The following KMT2D variants were observed in gnomAD, a reference collection of about 807,000 sequenced individuals.
KMT2D encodes the protein histone-lysine N-methyltransferase 2D.
A neutral mutation model predicts 512.7 loss-of-function variants in KMT2D; 55 were observed. The observed-to-expected ratio is 0.11, with a 90% confidence interval of 0.09 to 0.13. KMT2D has a LOEUF of 0.13. Among genes scored for constraint, KMT2D ranks in the 10% least tolerant of loss-of-function variants. The pLI, the probability that KMT2D is intolerant of heterozygous loss-of-function variation, is 1.00. For missense variants in KMT2D, 6,061 were observed against 7,127.9 expected (o/e 0.85, Z 5.39); for synonymous variants, 2,995 against 2,904.0 (o/e 1.03, Z -1.01).
rs773320492 is a variant in KMT2D, at chr12:49,049,888, C to T, written c.3700G>A (p.Gly1234Arg). The stretch of plus-strand genomic sequence containing the variant: ...AACTCCATGGACAGGGAGCCACCCC[C>T]CTCCGGGTCTGGAGAGCCCAGGAGG... ...EPLLGSPDPE[G>R]GGSLSMELGV... Residue 1234 changes from glycine (G) to arginine (R), a missense_variant, in exon 12 of 55, where the codon GGG (glycine) becomes AGG (arginine). This residue lies in a region of KMT2D where 447 missense variants were observed against 500.1 expected (regional missense o/e 0.89). Transcript: ENST00000301067. 2.5e-6 allele frequency: 4 copies of T among 1,613,932 alleles called. No individual in the cohort carries two copies. The highest frequency in any genetic ancestry group is 4.5e-5 in the East Asian group (2 of 44,878).
intron 48 of KMT2D, 87 bp downstream of exon 48, chr12:49,027,716 A>C (rs1942673648): frequency 6.7e-7 from 1 of 1,492,654 alleles, no homozygotes; most frequent in Non-Finnish European, 9.1e-7. Context: ...TGCCTCCCAA[A>C]GCACTGGGAT....
In KMT2D at chr12:49,055,282, G is replaced by A. The variant is rs1002765819; in HGVS notation, c.43C>T (p.Pro15Ser). The A allele has an allele frequency of 1.2e-6, 2 of 1,613,998 alleles. No individual in the cohort carries two copies. Among genetic ancestry groups the A allele is most frequent in the African/African-American group, 2.7e-5 (2 of 75,056 alleles). Residue 15 changes from proline to serine, a missense_variant, in exon 2 of 55, where the codon CCG becomes TCG. This residue lies in a region of KMT2D where 144 missense variants were observed against 165.7 expected (regional missense o/e 0.87). Transcript: ENST00000301067. Reference protein sequence around the residue: ...KLAGEDKDSEPAADGPAASED... With the variant: ...KLAGEDKDSESAADGPAASED... Reference sequence around the variant, plus strand: ...AACAATTTGTCCTACTCACCTGCCGGTTCTGAATCTTTATCCTCACCAGCC... The same window carrying A: ...AACAATTTGTCCTACTCACCTGCCGATTCTGAATCTTTATCCTCACCAGCC...
rs749057571 is a variant in KMT2D, at chr12:49,022,355, TAGAA to T, written c.16339-6_16339-3del. ...TCGGAACATGTAGATGCCTCGATTC[TAGAA>T]AGGCAGAGGTTGCAGAAGAAGGGAC... is the stretch of plus-strand genomic sequence containing the variant. On this transcript the variant is annotated splice_region_variant and splice_polypyrimidine_tract_variant and intron_variant, in intron 52 of 54. Coordinates refer to ENST00000301067, the MANE Select transcript of KMT2D (RefSeq NM_003482.4). This position sits in a 1 kb window ranked among gnomAD's most constrained non-coding sequence, Gnocchi z 8.6. 8 of 1,602,480 alleles carry T rather than the reference TAGAA, an allele frequency of 5.0e-6. No individual in the cohort carries two copies. The highest frequency in any genetic ancestry group is 6.0e-6 in the Non-Finnish European group (7 of 1,173,616).
At position 49,027,148 on chromosome 12, in the gene KMT2D, G is replaced by T; in HGVS notation, c.14818C>A (p.Pro4940Thr). 1 of 1,570,790 alleles carries T rather than the reference G, an allele frequency of 6.4e-7. No homozygotes were observed. The highest frequency in any genetic ancestry group is 8.7e-7 in the Non-Finnish European group (1 of 1,155,928). Reference sequence around the variant, plus strand: ...GAGGGGACGGGTGGCTCAGCCAAGGGTTCGGTGGGAAGTTCAACCAAGGGC... The same window carrying T: ...GAGGGGACGGGTGGCTCAGCCAAGGTTTCGGTGGGAAGTTCAACCAAGGGC... Reference protein sequence around the residue: ...TEPLVELPTEPLAEPPVPSPL... With the variant: ...TEPLVELPTETLAEPPVPSPL... Residue 4940 changes from proline (P) to threonine (T), a missense_variant, in exon 49 of 55, where the codon CCC becomes ACC. Around this residue, in one of 16 missense-constraint regions of KMT2D, gnomAD observed 1,600 missense variants for 1,754.9 expected, o/e 0.91. Coordinates refer to ENST00000301067, the MANE Select transcript of KMT2D (RefSeq NM_003482.4).
chr12:49,034,901 A>C lies in KMT2D; in HGVS notation c.10266T>G (p.Asp3422Glu). 1 of 1,614,002 alleles carries C rather than the reference A, an allele frequency of 6.2e-7. No individual in the cohort carries two copies. Among genetic ancestry groups the C allele is most frequent in the Non-Finnish European group, 8.5e-7 (1 of 1,179,894 alleles). The change falls in exon 36 of 55, where the codon GAT becomes GAG. Residue 3422 changes from aspartate (D) to glutamate (E), a missense_variant. Transcript: ENST00000301067. ...CCACCATCTTGGCCTTTGCAATGGG[A>C]TCAATGATATCTTCTGCAGCAAATT... ...LDKFAAEDII[D>E]PIAKAKMVAL...
Position 49,041,997 on chromosome 12 carries a change from G to A in KMT2D, c.6110-7C>T, listed in dbSNP as rs769408108. The A allele has an allele frequency of 1.9e-6, 3 of 1,612,418 alleles. No individual in the cohort carries two copies. Among genetic ancestry groups the A allele is most frequent in the Non-Finnish European group, 2.5e-6 (3 of 1,179,288 alleles). ...TTGCAACGGCTTGACCAGTCTGGAG[G>A]GCAGAGAGAGTGAGTCAGAGAAGAC... On this transcript the variant is annotated splice_polypyrimidine_tract_variant and splice_region_variant and intron_variant, in intron 29 of 54. Coordinates refer to ENST00000301067, the MANE Select transcript of KMT2D (RefSeq NM_003482.4). The surrounding 1 kb of genome is among the most constrained non-coding windows in gnomAD (Gnocchi z 5.4).
rs569422688 is a variant in KMT2D, at chr12:49,036,346, C to G, written c.10231+779G>C. On this transcript the variant is annotated intron_variant, in intron 35 of 54. Transcript: ENST00000301067. ...TTTTTTTTTAAGACAGAGTCTCGCT[C>G]TGTTGCCCAGCCTGAAGTGCAATGG... Among the ~76,000 whole-genome samples the G allele has an allele frequency of 3.0e-3, 458 of 150,458 alleles. 1 individual carries two copies. Among genetic ancestry groups the G allele is most frequent in the Non-Finnish European group, 5.7e-3 (385 of 67,752 alleles).
Position 49,037,959 on chromosome 12 carries a change from G to C in KMT2D, c.9397C>G (p.Gln3133Glu), listed in dbSNP as rs1015700954. ...EEGGRHPSPC[Q>E]FTIATPKVEP... ...ACCTTGGGGGTAGCAATGGTGAATT[G>C]GCAAGGAGAAGGGTGGCGTCCACCC... The change falls in exon 35 of 55, where the codon CAA becomes GAA. Residue 3133 changes from glutamine (Q) to glutamate (E), a missense_variant. Physicochemically the swap from Gln to Glu is conservative, Grantham distance 29. This residue lies in a region of KMT2D where 533 missense variants were observed against 539.6 expected (regional missense o/e 0.99). Transcript: ENST00000301067. 2 of 1,603,448 alleles carry C rather than the reference G, an allele frequency of 1.2e-6. No homozygotes were observed. The highest frequency in any genetic ancestry group is 1.7e-6 in the Non-Finnish European group (2 of 1,175,288).
In KMT2D at chr12:49,051,620, C is replaced by T. The variant is rs368472158; in HGVS notation, c.2063G>A (p.Arg688His). 6.5e-6 allele frequency: 10 copies of T among 1,548,798 alleles called. No individual in the cohort carries two copies. Among genetic ancestry groups the T allele is most frequent in the African/African-American group, 2.9e-5 (2 of 68,498 alleles). The change falls in exon 11 of 55, where the codon CGC (arginine) becomes CAC (histidine). Residue 688 changes from arginine (R) to histidine (H), a missense_variant. By Grantham distance (29) the Arg-to-His change is conservative (BLOSUM62 0). This residue lies in a region of KMT2D where 848 missense variants were observed against 838.5 expected (regional missense o/e 1.01). Coordinates refer to ENST00000301067, the MANE Select transcript of KMT2D (RefSeq NM_003482.4). ...GGAGTCCTCAGGTGGTGGGGAGAGG[C>T]GTGAAGCCTCAGGTGGAGGGGACGT... ...SPTSPPPEAS[R>H]LSPPPEDSPT...
In KMT2D at chr12:49,037,481, G is replaced by A. The variant is rs2120479748; in HGVS notation, c.9875C>T (p.Ala3292Val). ...CTCATGTGGCAAAGACATGGCCTGGGCAGGGCCTGGTGCAGACAGTAGGGA... is the reference window on the plus strand; with the variant it reads ...CTCATGTGGCAAAGACATGGCCTGGACAGGGCCTGGTGCAGACAGTAGGGA... ...QHSLLSAPGP[A>V]QAMSLPHEGS... The change falls in exon 35 of 55, where the codon GCC becomes GTC. Residue 3292 changes from alanine to valine, a missense_variant. Physicochemically the swap from Ala to Val is moderately conservative, Grantham distance 64. Transcript: ENST00000301067. The A allele has an allele frequency of 6.4e-7, 1 of 1,561,708 alleles. No homozygotes were observed.
Position 49,043,992 on chromosome 12 carries a change from G to A in KMT2D, c.5195C>T (p.Pro1732Leu), listed in dbSNP as rs2120576972. Residue 1732 changes from proline to leucine, a missense_variant, in exon 23 of 55, where the codon CCT becomes CTT. Around this residue, in one of 16 missense-constraint regions of KMT2D, gnomAD observed 640 missense variants for 814.3 expected, o/e 0.79. Coordinates refer to ENST00000301067, the MANE Select transcript of KMT2D (RefSeq NM_003482.4). ...SGDGQPDEVI[P>L]ADLPAEGAVE... ...GGCGCCCTCTGCAGGCAGGTCAGCA[G>A]GTATCACTGTGGACAGAACGGAAGT... is the stretch of plus-strand genomic sequence containing the variant. 5.0e-6 allele frequency: 8 copies of A among 1,614,042 alleles called. No homozygotes were observed. The highest frequency in any genetic ancestry group is 6.8e-6 in the Non-Finnish European group (8 of 1,179,896).
At chr12:49,057,327 C>G (rs987123682) in intron 1 of KMT2D, among the ~76,000 whole-genome samples, 1 of 152,200 alleles carries the variant, frequency 6.6e-6, no homozygotes, top group African/African-American at 2.4e-5. Context: ...AAAAGAGTCA[C>G]AAACATCAAG....
chr12:49,025,049 C>A, intron 49 of KMT2D, 103 bp from the exon 50 acceptor site: 2 of 1,317,254 alleles, frequency 1.5e-6, no homozygotes, highest in Non-Finnish European at 2.1e-6. Flanking sequence ...GCCTTCAAGC[C>A]TCCCTATCAT....
rs2120485580 is a variant in KMT2D at position 49,037,782 on chromosome 12, G to T, written c.9574C>A (p.Pro3192Thr). ...KASFGATGGPPAHLLTPSPLS... is the reference protein window; with the variant it reads ...KASFGATGGPTAHLLTPSPLS... ...GGGCTGGGGGTCAGCAGGTGAGCTG[G>T]TGGTCCTCCCGTGGCCCCAAAGGAG... The change falls in exon 35 of 55, where the codon CCA becomes ACA. Residue 3192 changes from proline (P) to threonine (T), a missense_variant. Physicochemically the swap from Pro to Thr is conservative, Grantham distance 38. Transcript: ENST00000301067. 6.3e-7 allele frequency: 1 copy of T among 1,596,320 alleles called. No homozygotes were observed. Among genetic ancestry groups the T allele is most frequent in the Non-Finnish European group, 8.5e-7 (1 of 1,171,202 alleles).
chr12:49,033,539 C>T lies in KMT2D; in HGVS notation c.11166G>A (p.Gln3722=). 1 of 1,613,594 alleles carries T rather than the reference C, an allele frequency of 6.2e-7. No individual in the cohort carries two copies. The highest frequency in any genetic ancestry group is 1.6e-4 in the Middle Eastern group (1 of 6,062). ...DSRLLQERQL[Q]LQQQRMQLAQ... ...CCAGCTGCATACGTTGCTGCTGCAG[C>T]TGCAGCTGCCTTTCCTGTAAAAGCC... is the stretch of plus-strand genomic sequence containing the variant. The change falls in exon 40 of 55, where the codon CAG becomes CAA. Residue 3722 remains glutamine (Q), a synonymous_variant. Coordinates refer to ENST00000301067, the MANE Select transcript of KMT2D (RefSeq NM_003482.4).
Position 49,027,063 on chromosome 12 carries a change from G to A in KMT2D, c.14903C>T (p.Pro4968Leu), listed in dbSNP as rs1310451207. The change falls in exon 49 of 55, where the codon CCT becomes CTT. Residue 4968 changes from proline (P) to leucine (L), a missense_variant. Around this residue, in one of 16 missense-constraint regions of KMT2D, gnomAD observed 1,600 missense variants for 1,754.9 expected, o/e 0.91. Transcript: ENST00000301067. ...AGGACGGGAATCTTCACCTTCTTCA[G>A]GGGGCCGGGCACGGGGCTTGGGTCG... ...SARPKPRARP[P>L]EEGEDSRPPR... 1 of 1,613,754 alleles carries A rather than the reference G, an allele frequency of 6.2e-7. No homozygotes were observed. Among genetic ancestry groups the A allele is most frequent in the Non-Finnish European group, 8.5e-7 (1 of 1,179,732 alleles).
rs2137712245 is a variant in KMT2D at position 49,024,965 on chromosome 12, A to G, written c.15785-19T>C. 5 of 1,578,948 alleles carry G rather than the reference A, an allele frequency of 3.2e-6. No homozygotes were observed. Among genetic ancestry groups the G allele is most frequent in the Non-Finnish European group, 4.3e-6 (5 of 1,162,258 alleles). On this transcript the variant is annotated intron_variant, in intron 49 of 54. Transcript: ENST00000301067. The surrounding 1 kb of genome is among the most constrained non-coding windows in gnomAD (Gnocchi z 4.5). Reference sequence around the variant, plus strand: ...CACACGGCTAAGAAGCAGGGAAGAGAGCAGTCCTCAGAGGCAACTTCTGCT... The same window carrying G: ...CACACGGCTAAGAAGCAGGGAAGAGGGCAGTCCTCAGAGGCAACTTCTGCT...
Position 49,031,439 on chromosome 12 carries a change from C to G in KMT2D, c.13266G>C (p.Glu4422Asp). 6.2e-7 allele frequency: 1 copy of G among 1,613,722 alleles called. No homozygotes were observed. Among genetic ancestry groups the G allele is most frequent in the Non-Finnish European group, 8.5e-7 (1 of 1,179,862 alleles). ...QLSIKQEPRE[E>D]PCALGAQSVK... The stretch of plus-strand genomic sequence containing the variant: ...CTGACTGGGCTCCCAGGGCACATGG[C>G]TCTTCCCGAGGTTCCTGCTTGATGC... The change falls in exon 40 of 55, where the codon GAG becomes GAC. Residue 4422 changes from glutamate to aspartate, a missense_variant. Coordinates refer to ENST00000301067, the MANE Select transcript of KMT2D (RefSeq NM_003482.4).
At position 49,026,687 on chromosome 12, in the gene KMT2D, G is replaced by A. The variant is rs1039364060; in HGVS notation, c.15279C>T (p.Ser5093=). 7 of 1,614,006 alleles carry A rather than the reference G, an allele frequency of 4.3e-6. No individual in the cohort carries two copies. In the African/African-American group the frequency reaches 8.0e-5, roughly 18 times the overall value. ...TGGTGGCACCAGTTCGCTGGCACAGGGAGCACTTGGTTAGCAGTCCTCGGT... is the reference window on the plus strand; with the variant it reads ...TGGTGGCACCAGTTCGCTGGCACAGAGAGCACTTGGTTAGCAGTCCTCGGT... ...ALHRGLLTKC[S]LCQRTGATSS... is the part of the protein sequence containing the mutation. Residue 5093 remains serine (S), a synonymous_variant, in exon 49 of 55, where the codon TCC becomes TCT. Coordinates refer to ENST00000301067, the MANE Select transcript of KMT2D (RefSeq NM_003482.4). The surrounding 1 kb of genome is among the most constrained non-coding windows in gnomAD (Gnocchi z 9.6).
Sources: gnomAD v4.1 joint callset for allele counts (sites outside exome capture counted in the v4.1 genomes callset) on GRCh38, gnomAD v4.1.1 for gene constraint, gnomAD v4.1.1 regional missense constraint, Gnocchi (gnomAD v3.1) non-coding constraint, MANE v1.5 for transcripts, NCBI Gene and HGNC (gene_info 2026-07-23, HGNC 2026-07-21) for gene names.